The following ARPP21 variants were observed in gnomAD, a reference collection of about 807,000 sequenced individuals.
ARPP21 encodes the protein cAMP regulated phosphoprotein 21.
Under a neutral mutation model 113.2 loss-of-function variants are expected in ARPP21, and 69 were observed. The ratio of observed to expected loss-of-function variants is 0.61; its 90% confidence interval spans 0.50 to 0.74. The LOEUF (loss-of-function observed/expected upper bound fraction) is 0.74, where lower values mean the gene tolerates loss of function less well. Ranked by LOEUF, ARPP21 falls within the 30% of genes least tolerant of loss-of-function variation. The probability of loss-of-function intolerance (pLI) is 0.00; values close to 1 mark genes in which losing one functional copy is unlikely to be tolerated. For synonymous variants in ARPP21, 368 were observed against 375.5 expected, an observed-to-expected ratio of 0.98 and a Z score of 0.23; for missense variants, 1,070 against 1,037.4, an observed-to-expected ratio of 1.03 and a Z score of -0.43.
intron 9 of ARPP21, among the ~76,000 whole-genome samples, chr3:35,692,057 A>C (rs2149664722): frequency 6.6e-6 from 1 of 151,590 alleles, no homozygotes; most frequent in East Asian, 2.0e-4. Flanking sequence ...AGAGAGCACA[A>C]ACTGAGAGAT....
At chr3:35,705,036 CA>C (rs1381133583) in intron 9 of ARPP21, among the ~76,000 whole-genome samples, 1 of 151,992 alleles carries the variant, frequency 6.6e-6, no homozygotes, top group African/African-American at 2.4e-5. Flanking sequence ...CAAACAAATA[CA>C]AACAAAATTT....
intron 14 of ARPP21, among the ~76,000 whole-genome samples, chr3:35,724,159 G>A (rs142040812): frequency 9.9e-5 from 15 of 152,192 alleles, no homozygotes; most frequent in African/African-American, 2.2e-4. Flanking sequence ...ATTTTCCTAC[G>A]TTTTGGAAGG....
intron 15 of ARPP21, among the ~76,000 whole-genome samples, chr3:35,733,889 C>A (rs2094167477): frequency 6.6e-6 from 1 of 152,090 alleles, no homozygotes; most frequent in Non-Finnish European, 1.5e-5. Context: ...TTCTTCTAGC[C>A]CACAGCATAT....
chr3:35,739,226 T>A (rs2150749911), intron 17 of ARPP21, 91 bp from the exon 18 acceptor site: 5 of 1,451,610 alleles, frequency 3.4e-6, no homozygotes, highest in Non-Finnish European at 3.7e-6. Context: ...CTCCCACAAC[T>A]CCAAGAATGT....
At chr3:35,728,441 A>G (rs2093700001) in intron 14 of ARPP21, among the ~76,000 whole-genome samples, 1 of 151,198 alleles carries the variant, frequency 6.6e-6, no homozygotes, top group South Asian at 2.1e-4. Flanking sequence ...GCTGGTCTCA[A>G]TCTCCTGACC....
chr3:35,757,213 C>A (rs1306992206), intron 19 of ARPP21, among the ~76,000 whole-genome samples: 1 of 150,728 alleles, frequency 6.6e-6, no homozygotes, highest in Non-Finnish European at 1.5e-5. Context: ...CACCCGCCAC[C>A]ACATCTGGCT....
At chr3:35,662,863 A>T (rs1708443414) in intron 1 of ARPP21, among the ~76,000 whole-genome samples, 3 of 152,162 alleles carry the variant, frequency 2.0e-5, no homozygotes, top group African/African-American at 7.2e-5. Flanking sequence ...GGAGCTAAAA[A>T]TTTTGATCAC....
intron 9 of ARPP21, among the ~76,000 whole-genome samples, chr3:35,697,559 T>G (rs891079716): frequency 2.0e-5 from 3 of 151,574 alleles, no homozygotes; most frequent in African/African-American, 7.3e-5. Context: ...GGAAACCAAT[T>G]GATTTTATTA....
chr3:35,715,603 C>T, intron 12 of ARPP21, 127 bp downstream of exon 12: 1 of 706,032 alleles, frequency 1.4e-6, no homozygotes, highest in Non-Finnish European at 2.4e-6. Context: ...ATACATATAT[C>T]TATGCGTACA....
intron 11 of ARPP21, among the ~76,000 whole-genome samples, chr3:35,712,618 A>G (rs1416137421): frequency 1.3e-5 from 2 of 151,850 alleles, no homozygotes; most frequent in Non-Finnish European, 2.9e-5. Flanking sequence ...ATACAGGCAC[A>G]TAAAATATGT....
chr3:35,743,852 A>G lies in ARPP21; in HGVS notation c.2024A>G (p.Tyr675Cys). 6.2e-7 allele frequency: 1 copy of G among 1,613,942 alleles called. No individual in the cohort carries two copies. Among genetic ancestry groups the G allele is most frequent in the South Asian group, 1.1e-5 (1 of 91,074 alleles). ...TTTCTTCCACAGATGCCTGTATATTATTACCCATCTGGTCAGTACCCTACC... is the reference window on the plus strand; with the variant it reads ...TTTCTTCCACAGATGCCTGTATATTGTTACCCATCTGGTCAGTACCCTACC... Reference protein sequence around the residue: ...QPPPAQMPVYYYPSGQYPTST... With the variant: ...QPPPAQMPVYCYPSGQYPTST... The change falls in exon 19 of 21, where the codon TAT becomes TGT. Residue 675 changes from tyrosine (Y) to cysteine (C), a missense_variant. Physicochemically the swap from Tyr to Cys is radical, Grantham distance 194. Coordinates refer to ENST00000684406, the MANE Select transcript of ARPP21 (RefSeq NM_001385562.1).
chr3:35,707,167 T>G, intron 10 of ARPP21, 85 bp downstream of exon 10: 1 of 1,025,794 alleles, frequency 9.7e-7, no homozygotes, highest in Non-Finnish European at 1.5e-6. Context: ...CTGTTGTCCC[T>G]GCCTTCCCTC....
intron 1 of ARPP21, among the ~76,000 whole-genome samples, chr3:35,665,412 G>A (rs2074091427): frequency 6.6e-6 from 1 of 152,032 alleles, no homozygotes; most frequent in African/African-American, 2.4e-5. Context: ...AAAGTAAGTG[G>A]AAAGTTCTGA....
chr3:35,649,772 C>A (rs1032955707), intron 1 of ARPP21, among the ~76,000 whole-genome samples: 1 of 152,100 alleles, frequency 6.6e-6, no homozygotes, highest in Non-Finnish European at 1.5e-5. Context: ...TCTTCTCTTC[C>A]TGCTACTTTG....
At chr3:35,727,993 C>A (rs2093659528) in intron 14 of ARPP21, among the ~76,000 whole-genome samples, 1 of 152,030 alleles carries the variant, frequency 6.6e-6, no homozygotes, top group African/African-American at 2.4e-5. Flanking sequence ...AATTCAGAAT[C>A]CATAAACATC....
Position 35,710,126 on chromosome 3 carries a change from C to T in ARPP21, c.897+1056C>T, listed in dbSNP as rs981454031. On this transcript the variant is annotated intron_variant, in intron 11 of 20. Transcript: ENST00000684406. ...TTTATATCCCGCCCCCTACAACCCC[C>T]GCCACCTTTCTTGAACACACTGAAA... Among the ~76,000 whole-genome samples, 8 of 152,096 alleles carry T rather than the reference C, an allele frequency of 5.3e-5. No homozygotes were observed. In the East Asian group the frequency reaches 5.8e-4, roughly 11 times the overall value.
chr3:35,644,383 G>A (rs1309351219), intron 1 of ARPP21, among the ~76,000 whole-genome samples: 1 of 151,846 alleles, frequency 6.6e-6, no homozygotes, highest in Non-Finnish European at 1.5e-5. Context: ...TTAGATATGA[G>A]CTGAGATATG....
At chr3:35,744,042 G>C in intron 19 of ARPP21, 77 bp downstream of exon 19, 2 of 1,497,300 alleles carry the variant, frequency 1.3e-6, no homozygotes, top group Non-Finnish European at 1.9e-6. Context: ...TTGGATGAGT[G>C]TCCAAGCTTG....
rs976141454 is a variant in ARPP21 at position 35,687,746 on chromosome 3, T to C, written c.269T>C (p.Ile90Thr). 6.2e-6 allele frequency: 10 copies of C among 1,600,492 alleles called. No individual in the cohort carries two copies. Among genetic ancestry groups the C allele is most frequent in the Non-Finnish European group, 8.5e-6 (10 of 1,174,952 alleles). Residue 90 changes from isoleucine (I) to threonine (T), a missense_variant, in exon 6 of 21, where the codon ATT becomes ACT. Transcript: ENST00000684406. ...ATATTTTTTCCCCAACAGGAATCAA[T>C]TCATTTACAGCTTTCCAGTTTTTCC... Reference protein sequence around the residue: ...GGESLQDQESIHLQLSSFSSL... With the variant: ...GGESLQDQESTHLQLSSFSSL...
Sources: gnomAD v4.1 joint callset for allele counts (sites outside exome capture counted in the v4.1 genomes callset) on GRCh38, gnomAD v4.1.1 for gene constraint, MANE v1.5 for transcripts, NCBI Gene and HGNC (gene_info 2026-07-23, HGNC 2026-07-21) for gene names.